The following ITGA4 variants were observed in gnomAD, a reference collection of about 807,000 sequenced individuals.
ITGA4 encodes integrin subunit alpha 4, also known as integrin alpha-4.
ITGA4 carries 63 observed loss-of-function variants against 133.6 expected under a neutral mutation model. The observed-to-expected ratio is 0.47, with a 90% CI of 0.38 to 0.58. The LOEUF (loss-of-function observed/expected upper bound fraction) is 0.58, where lower values mean the gene tolerates loss of function less well. ITGA4 is among the 20% of genes least tolerant of loss of function. The probability of loss-of-function intolerance (pLI) is 0.00; values close to 1 mark genes in which losing one functional copy is unlikely to be tolerated. For missense variants in ITGA4, 1,076 were observed against 1,252.7 expected (o/e 0.86, Z 2.13); for synonymous variants, 483 against 438.0 (o/e 1.10, Z -1.28).
chr2:181,524,473 A>T (rs1053601772), intron 20 of ITGA4: 19 of 408,754 alleles, frequency 4.6e-5, no homozygotes, highest in Non-Finnish European at 7.3e-5. Flanking sequence ...TAGAGTAGAC[A>T]TGATGTGTCA....
At chr2:181,489,605 A>G (rs1258603389) in intron 10 of ITGA4, among the ~76,000 whole-genome samples, 1 of 152,184 alleles carries the variant, frequency 6.6e-6, no homozygotes, top group Non-Finnish European at 1.5e-5. Flanking sequence ...CTGTACTATT[A>G]TTTTGTGTGC....
chr2:181,522,491 T>A, intron 18 of ITGA4, 150 bp downstream of exon 18: 1 of 543,764 alleles, frequency 1.8e-6, no homozygotes, highest in Non-Finnish European at 3.1e-6. Flanking sequence ...GTGCCCCTGC[T>A]CAGAATGGCA....
At chr2:181,498,543 C>T in intron 14 of ITGA4, 80 bp from the exon 15 acceptor site, 1 of 841,216 alleles carries the variant, frequency 1.2e-6, no homozygotes. Context: ...GTCCATATAA[C>T]TTTAACTATT....
intron 24 of ITGA4, 101 bp downstream of exon 24, chr2:181,530,750 A>G: frequency 9.5e-7 from 1 of 1,052,646 alleles, no homozygotes; most frequent in Non-Finnish European, 1.4e-6. Context: ...CAATAATAAG[A>G]GAGAAGACAA....
rs115828442 is a variant in ITGA4 at position 181,491,805 on chromosome 2, T to A, written c.1154-1520T>A. ...CTTACCATTCCTGCTCCTCTGTTCC[T>A]GTATGTATATATTCTGCACAAATCT... is the stretch of plus-strand genomic sequence containing the variant. On this transcript the variant is annotated intron_variant, in intron 10 of 27. Transcript: ENST00000397033. 4.5e-3 allele frequency among the ~76,000 whole-genome samples: 687 copies of A among 152,328 alleles called. 8 individuals are homozygous for A. The highest frequency in any genetic ancestry group is 0.016 in the African/African-American group (653 of 41,580).
Position 181,536,767 on chromosome 2 carries a change from C to T in ITGA4, c.*1240C>T, listed in dbSNP as rs561165359. ...GGATTTTAAAAAATTTCTTTAAATA[C>T]AATCATTTTTGTAATATTTATTTTA... On this transcript the variant is annotated 3_prime_UTR_variant, in exon 28 of 28. Transcript: ENST00000397033. 2 of 240,672 alleles carry T rather than the reference C, an allele frequency of 8.3e-6. No individual in the cohort carries two copies. The highest frequency in any genetic ancestry group is 1.7e-5 in the Non-Finnish European group (2 of 119,312). 14.9% of individuals were successfully genotyped at this position (240,672 alleles called of 1,614,324 possible).
intron 9 of ITGA4, among the ~76,000 whole-genome samples, chr2:181,485,017 A>T (rs371609642): frequency 3.3e-5 from 5 of 152,254 alleles, no homozygotes; most frequent in African/African-American, 1.2e-4. Context: ...GGTAGCTGTT[A>T]TTGCAACAGC....
chr2:181,527,225 C>T, intron 21 of ITGA4, 72 bp from the exon 22 acceptor site: 1 of 867,048 alleles, frequency 1.2e-6, no homozygotes, highest in South Asian at 1.5e-5. Flanking sequence ...ATAATCCAGA[C>T]TATAGAAAAA....
At chr2:181,475,772 C>T (rs1441013558) in intron 4 of ITGA4, 5 of 1,561,740 alleles carry the variant, frequency 3.2e-6, no homozygotes, top group South Asian at 1.2e-5. Flanking sequence ...GCAAGAGATT[C>T]GTGTCTTGAG....
At chr2:181,478,468 C>CA (rs527920228) in intron 4 of ITGA4, among the ~76,000 whole-genome samples, 46 of 151,994 alleles carry the variant, frequency 3.0e-4, no homozygotes, top group Non-Finnish European at 6.0e-4. Context: ...AGCATGGGCT[C>CA]AAAATCACAA....
At position 181,538,124 on chromosome 2, in the gene ITGA4, G is replaced by A. The variant is rs1687274830; in HGVS notation, c.*2597G>A. ...GGTGGGGACCACAGGTTTAAAGCAT[G>A]GCCACATTTCTTTATATTAAAATTC... On this transcript the variant is annotated 3_prime_UTR_variant, in exon 28 of 28. Transcript: ENST00000397033. The A allele has an allele frequency of 8.5e-7, 1 of 1,179,536 alleles. No individual in the cohort carries two copies. The highest frequency in any genetic ancestry group is 2.3e-5 in the East Asian group (1 of 42,556). 73.1% of individuals were successfully genotyped at this position (1,179,536 alleles called of 1,614,324 possible). A position where few individuals can be genotyped will look rare whatever the true frequency, so the allele number is the denominator to read the frequency against.
At chr2:181,488,877 T>C (rs17225354) in intron 10 of ITGA4, among the ~76,000 whole-genome samples, 39,774 of 152,136 alleles carry the variant, frequency 0.26, 6,203 homozygotes, top group Non-Finnish European at 0.36. Flanking sequence ...TAATTTTATC[T>C]TCTATTTTGC....
chr2:181,461,793 A>G (rs1293296249), intron 2 of ITGA4, among the ~76,000 whole-genome samples: 1 of 152,210 alleles, frequency 6.6e-6, no homozygotes, highest in Non-Finnish European at 1.5e-5. Flanking sequence ...AAGTTATACA[A>G]TTACACTATC....
chr2:181,460,509 TG>T (rs1385228658), intron 2 of ITGA4, among the ~76,000 whole-genome samples: 1 of 152,078 alleles, frequency 6.6e-6, no homozygotes, highest in Admixed American at 6.6e-5. Context: ...TGCACTATTT[TG>T]TATGAAGAAG....
chr2:181,490,988 A>G lies in ITGA4; in HGVS notation c.1154-2337A>G, dbSNP rs1392884542. ...AGTTGCATAGGCTTGGAAAACATTT[A>G]TTGTATATATTTCAAAACATATCTT... On this transcript the variant is annotated intron_variant, in intron 10 of 27. Coordinates refer to ENST00000397033, the MANE Select transcript of ITGA4 (RefSeq NM_000885.6). 2.0e-5 allele frequency among the ~76,000 whole-genome samples: 3 copies of G among 152,206 alleles called. No homozygotes were observed. The East Asian group carries it at 5.8e-4, about 29-fold the overall frequency.
chr2:181,482,311 T>C, intron 7 of ITGA4, 49 bp from the exon 8 acceptor site: 1 of 1,519,484 alleles, frequency 6.6e-7, no homozygotes, highest in Non-Finnish European at 8.9e-7. Context: ...AGTGGTGTTT[T>C]AAAAAATGTT....
rs1463802580 is a variant in ITGA4, at chr2:181,536,995, GGCCTGCAGTGATGGTGAGGAAT to G, written c.*1470_*1491del. The G allele has an allele frequency of 2.0e-5, 9 of 450,228 alleles. No individual in the cohort carries two copies. The highest frequency in any genetic ancestry group is 3.6e-5 in the Non-Finnish European group (8 of 225,244). 27.9% of individuals were successfully genotyped at this position (450,228 alleles called of 1,614,324 possible). Reference sequence around the variant, plus strand: ...AATTGATGAAAGTTATCTGTTCACAGGCCTGCAGTGATGGTGAGGAATGTTCTGAGATTTGCGAAGGCATTTG... The same window carrying G: ...AATTGATGAAAGTTATCTGTTCACAGGTTCTGAGATTTGCGAAGGCATTTG... On this transcript the variant is annotated 3_prime_UTR_variant, in exon 28 of 28. Transcript: ENST00000397033.
In ITGA4 at chr2:181,495,292, T is replaced by C. The variant is rs1574396170; in HGVS notation, c.1340-79T>C. ...GTTTTAGGTAGTCAAAGGTGATACG[T>C]AGTTAAGTATTTATGGCTGAAAAAT... On this transcript the variant is annotated intron_variant, in intron 12 of 27. Transcript: ENST00000397033. The surrounding 1 kb of genome is among the most constrained non-coding windows in gnomAD (Gnocchi z 4.3). 4 of 995,072 alleles carry C rather than the reference T, an allele frequency of 4.0e-6. No individual in the cohort carries two copies. The highest frequency in any genetic ancestry group is 6.5e-6 in the Non-Finnish European group (4 of 617,648). 61.6% of individuals were successfully genotyped at this position (995,072 alleles called of 1,614,324 possible).
intron 2 of ITGA4, among the ~76,000 whole-genome samples, chr2:181,461,191 C>T (rs551511523): frequency 1.2e-4 from 17 of 147,356 alleles, no homozygotes; most frequent in African/African-American, 1.8e-4. Context: ...AGAAGTGAGC[C>T]TGCCTGTTTA....
Sources: gnomAD v4.1 joint callset for allele counts (sites outside exome capture counted in the v4.1 genomes callset) on GRCh38, gnomAD v4.1.1 for gene constraint, Gnocchi (gnomAD v3.1) non-coding constraint, MANE v1.5 for transcripts, NCBI Gene and HGNC (gene_info 2026-07-23, HGNC 2026-07-21) for gene names.